Variants in ELAVL4 observed in about 807,000 individuals in gnomAD.
ELAVL4 encodes ELAV-like protein 4.
In ELAVL4, 1 loss-of-function variant was observed where a neutral mutation model predicts 35.6. The observed-to-expected ratio is 0.03, with a 90% CI of 0.01 to 0.13. ELAVL4 has a LOEUF of 0.13. ELAVL4 is among the 10% of genes least tolerant of loss of function. ELAVL4 has a pLI of 1.00. For missense variants in ELAVL4, 267 were observed against 464.9 expected (o/e 0.57, Z 3.91); for synonymous variants, 156 against 171.0 (o/e 0.91, Z 0.69).
intron 1 of ELAVL4, among the ~76,000 whole-genome samples, chr1:50,093,934 A>T (rs182653786): frequency 1.0e-3 from 159 of 152,306 alleles, no homozygotes; most frequent in Non-Finnish European, 1.8e-3. Context: ...TTTTCCTTAT[A>T]TGTCAATGCA....
At chr1:50,164,837 T>G (rs1677457494) in intron 2 of ELAVL4, among the ~76,000 whole-genome samples, 1 of 152,214 alleles carries the variant, frequency 6.6e-6, no homozygotes, top group South Asian at 2.1e-4. Context: ...GTTAAGAGAA[T>G]GTAAATATCC....
At position 50,203,301 on chromosome 1, in the gene ELAVL4, T is replaced by C. The variant is rs950570138; in HGVS notation, c.*2123T>C. ...GTTTTCACACTGAAAAGGCAAACTT[T>C]GTAGTAGTCGTTGTAGTGGTAGACA... On this transcript the variant is annotated 3_prime_UTR_variant, in exon 7 of 7. Transcript: ENST00000371824. The C allele has an allele frequency of 6.6e-6, 1 of 152,184 alleles. No individual in the cohort carries two copies. The highest frequency in any genetic ancestry group is 1.5e-5 in the Non-Finnish European group (1 of 68,020). The allele number at this position is 152,184 out of a possible 1,614,324, so 9.4% of individuals were successfully genotyped here.
At chr1:50,151,618 G>C (rs10888681) in intron 2 of ELAVL4, among the ~76,000 whole-genome samples, 64,177 of 152,028 alleles carry the variant, frequency 0.42, 14,840 homozygotes, top group East Asian at 0.77. Flanking sequence ...GACGGAAAGT[G>C]ATTAGTGATG....
upstream of ELAVL4, among the ~76,000 whole-genome samples, chr1:50,099,479 G>C (rs1331402898): frequency 1.4e-5 from 2 of 146,890 alleles, no homozygotes; most frequent in Non-Finnish European, 3.0e-5. Context: ...AGAATTGCTT[G>C]AACCAGGAAG....
chr1:50,152,077 G>A (rs1273208053), intron 2 of ELAVL4, among the ~76,000 whole-genome samples: 1 of 152,128 alleles, frequency 6.6e-6, no homozygotes, highest in Non-Finnish European at 1.5e-5. Flanking sequence ...GGAGCTGTGA[G>A]GTTTAGGGTT....
At chr1:50,062,761 G>A (rs569467106) in intron 1 of ELAVL4, among the ~76,000 whole-genome samples, 1 of 152,306 alleles carries the variant, frequency 6.6e-6, no homozygotes, top group East Asian at 1.9e-4. Flanking sequence ...ATCAGCAGGT[G>A]TGGATTTGGG....
At chr1:50,095,379 G>C (rs1420049031) in intron 1 of ELAVL4, among the ~76,000 whole-genome samples, 45 of 151,942 alleles carry the variant, frequency 3.0e-4, no homozygotes, top group Admixed American at 3.0e-3. Context: ...TTTATATATT[G>C]AGGGTTTTCA....
intron 1 of ELAVL4, among the ~76,000 whole-genome samples, chr1:50,058,748 G>A (rs1449504818): frequency 6.6e-6 from 1 of 151,752 alleles, no homozygotes; most frequent in Non-Finnish European, 1.5e-5. Context: ...TTAGTAGCTA[G>A]GACTATAGGC....
At chr1:50,058,897 C>A (rs1232164747) in intron 1 of ELAVL4, among the ~76,000 whole-genome samples, 2 of 152,146 alleles carry the variant, frequency 1.3e-5, no homozygotes, top group African/African-American at 4.8e-5. Context: ...AGTTACCGCA[C>A]CTGGCCCAGG....
At position 50,085,674 on chromosome 1, in the gene ELAVL4, A is replaced by G. The variant is rs1472832597; in HGVS notation, c.18+37492A>G. ...GCTGGCATAGACCTGTCCAAATGCC[A>G]TTTCAATATTATCTCCTTGACAGAT... On this transcript the variant is annotated intron_variant, in intron 1 of 6. Transcript: ENST00000448907. Among the ~76,000 whole-genome samples the G allele has an allele frequency of 1.2e-4, 19 of 152,356 alleles. No individual in the cohort carries two copies. The South Asian group carries it at 2.5e-3, about 20-fold the overall frequency.
At chr1:50,074,152 T>C (rs1664660002) in intron 1 of ELAVL4, among the ~76,000 whole-genome samples, 1 of 152,242 alleles carries the variant, frequency 6.6e-6, no homozygotes, top group South Asian at 2.1e-4. Flanking sequence ...CTCTAGTTTA[T>C]GGCTAAAGCC....
chr1:50,068,132 GTAAGGAAAATAAAGCAGGT>G (rs1312846692), intron 1 of ELAVL4, among the ~76,000 whole-genome samples: 8 of 152,152 alleles, frequency 5.3e-5, no homozygotes, highest in African/African-American at 1.9e-4. Context: ...ATTAAGTGCT[GTAAGGAAAATAAAGCAGGT>G]TAAGGGGGAT....
intron 4 of ELAVL4, among the ~76,000 whole-genome samples, chr1:50,194,760 G>A (rs1264053883): frequency 6.6e-6 from 1 of 152,132 alleles, no homozygotes; most frequent in Non-Finnish European, 1.5e-5. Context: ...GCCATGCCTG[G>A]TGGGAATTGC....
chr1:50,129,310 A>G (rs1424857923), intron 1 of ELAVL4, among the ~76,000 whole-genome samples: 1 of 152,012 alleles, frequency 6.6e-6, no homozygotes, highest in Non-Finnish European at 1.5e-5. Context: ...CAAGTGGAGG[A>G]TGGACCAAGA....
chr1:50,088,870 G>C (rs1024031644), intron 1 of ELAVL4, among the ~76,000 whole-genome samples: 16 of 152,134 alleles, frequency 1.1e-4, no homozygotes, highest in African/African-American at 3.9e-4. Context: ...AGAATAATCA[G>C]TTAAGCCTTA....
intron 1 of ELAVL4, among the ~76,000 whole-genome samples, chr1:50,114,118 G>T (rs1223402962): frequency 6.6e-6 from 1 of 152,098 alleles, no homozygotes; most frequent in Non-Finnish European, 1.5e-5. Context: ...TGCCACTTAA[G>T]AAATTATAAG....
At chr1:50,131,463 TA>T (rs1670840161) in intron 1 of ELAVL4, among the ~76,000 whole-genome samples, 2 of 152,078 alleles carry the variant, frequency 1.3e-5, no homozygotes, top group South Asian at 4.1e-4. Flanking sequence ...TGGCAAATCA[TA>T]AAAATACATA....
upstream of ELAVL4, chr1:50,106,244 ACT>A: frequency 6.7e-7 from 1 of 1,481,684 alleles, no homozygotes; most frequent in Non-Finnish European, 9.3e-7. Context: ...GTCCATCTGG[ACT>A]CTGTGTGGGA....
upstream of ELAVL4, among the ~76,000 whole-genome samples, chr1:50,101,706 G>C (rs1557702195): frequency 6.6e-6 from 1 of 151,832 alleles, no homozygotes; most frequent in Non-Finnish European, 1.5e-5. Flanking sequence ...AGGAGTTCAA[G>C]ACAAGGCTGG....
Sources: allele counts gnomAD v4.1 joint callset (sites outside exome capture counted in the v4.1 genomes callset), GRCh38; gene constraint gnomAD v4.1.1; transcripts MANE v1.5; gene names NCBI Gene and HGNC (gene_info 2026-07-23, HGNC 2026-07-21).